Variants in NCOA2 observed in about 807,000 individuals in gnomAD.
The protein encoded by NCOA2 is nuclear receptor coactivator 2, also known as class E basic helix-loop-helix protein 75.
A neutral mutation model predicts 145.1 loss-of-function variants in NCOA2; 21 were observed. The observed-to-expected ratio is 0.14, with a 90% CI of 0.10 to 0.21. NCOA2 has a LOEUF of 0.21. NCOA2 is among the 10% of genes least tolerant of loss of function. The probability of loss-of-function intolerance (pLI) is 1.00; values close to 1 mark genes in which losing one functional copy is unlikely to be tolerated. For missense variants in NCOA2, 1,472 were observed against 1,837.6 expected (o/e 0.80, Z 3.64); for synonymous variants, 619 against 637.5 (o/e 0.97, Z 0.44).
chr8:70,258,354 T>C (rs181077006), intron 2 of NCOA2, among the ~76,000 whole-genome samples: 1 of 152,328 alleles, frequency 6.6e-6, no homozygotes, highest in East Asian at 1.9e-4. Context: ...CTTCAGGATA[T>C]CACCTTAGCT....
intron 7 of NCOA2, among the ~76,000 whole-genome samples, chr8:70,164,548 C>T (rs1186921775): frequency 6.6e-6 from 1 of 152,090 alleles, no homozygotes; most frequent in African/African-American, 2.4e-5. Context: ...TGCTGTAAGG[C>T]GGAGGTCCTC....
rs143911759 is a variant in NCOA2 at position 70,307,885 on chromosome 8, T to C, written c.-76-11085A>G. Among the ~76,000 whole-genome samples, 12 of 152,338 alleles carry C rather than the reference T, an allele frequency of 7.9e-5. No individual in the cohort carries two copies. In the East Asian group the frequency reaches 2.3e-3, roughly 29 times the overall value. On this transcript the variant is annotated intron_variant, in intron 1 of 22. Transcript: ENST00000452400. ...AGTTAGTAAATCTATTTTTGTTTTA[T>C]AGGTCTTAATTAAACTAAAATCTTC... is the stretch of plus-strand genomic sequence containing the variant.
chr8:70,357,769 T>G (rs7818350), intron 1 of NCOA2, among the ~76,000 whole-genome samples: 58,298 of 149,302 alleles, frequency 0.39, 13,897 homozygotes, highest in East Asian at 0.7. Flanking sequence ...GGGGGGAAGA[T>G]GCCGAGCACA....
At chr8:70,152,786 C>A (rs954849783) in intron 11 of NCOA2, among the ~76,000 whole-genome samples, 7 of 152,166 alleles carry the variant, frequency 4.6e-5, no homozygotes, top group African/African-American at 1.2e-4. Flanking sequence ...TACTTCCTGT[C>A]ATTAATAAGT....
At chr8:70,425,471 G>A in the NCOA2 span, among the ~76,000 whole-genome samples, 1 of 151,706 alleles carries the variant, frequency 6.6e-6, no homozygotes, top group South Asian at 2.1e-4. Flanking sequence ...TCCCCTCCCT[G>A]AACTCCTCAC....
At chr8:70,220,782 C>T (rs577785172) in intron 2 of NCOA2, among the ~76,000 whole-genome samples, 7 of 152,250 alleles carry the variant, frequency 4.6e-5, no homozygotes, top group African/African-American at 1.2e-4. Context: ...TTTATGTAAA[C>T]GATAATATGC....
chr8:70,302,007 T>C (rs144311885), intron 1 of NCOA2, among the ~76,000 whole-genome samples: 5 of 152,284 alleles, frequency 3.3e-5, no homozygotes, highest in African/African-American at 1.2e-4. Context: ...ACAAAATTTA[T>C]TTTTCCCTTT....
intron 2 of NCOA2, among the ~76,000 whole-genome samples, chr8:70,274,205 GAAA>G (rs201704083): frequency 1.8e-5 from 2 of 112,166 alleles, no homozygotes; most frequent in African/African-American, 5.9e-5. Flanking sequence ...CTCATGTTTG[GAAA>G]AAAAAAAAAA....
chr8:70,248,650 C>T (rs1207959200), intron 2 of NCOA2, among the ~76,000 whole-genome samples: 1 of 152,002 alleles, frequency 6.6e-6, no homozygotes, highest in Admixed American at 6.6e-5. Flanking sequence ...TACGCATATC[C>T]TCTCATATAC....
chr8:70,282,871 A>G (rs1019298655), intron 2 of NCOA2, among the ~76,000 whole-genome samples: 1 of 152,216 alleles, frequency 6.6e-6, no homozygotes, highest in African/African-American at 2.4e-5. Context: ...ATGACGCTCC[A>G]GAGTGATCTC....
At chr8:70,301,655 CAAAAAAAAAAAAAA>C (rs71275063) in intron 1 of NCOA2, among the ~76,000 whole-genome samples, 4 of 60,142 alleles carry the variant, frequency 6.7e-5, no homozygotes, top group Non-Finnish European at 8.8e-5. Context: ...GACCCTTTCT[CAAAAAAAAAAAAAA>C]AAAAAAAAAA....
chr8:70,117,923 T>C (rs1807330026), intron 22 of NCOA2, among the ~76,000 whole-genome samples: 1 of 152,250 alleles, frequency 6.6e-6, no homozygotes, highest in Non-Finnish European at 1.5e-5. Context: ...AGTGTTCTGC[T>C]TTTATAGTAG....
In NCOA2 at chr8:70,213,526, T is replaced by A. The variant is rs1316810341; in HGVS notation, c.259+377A>T. On this transcript the variant is annotated intron_variant, in intron 4 of 22. Transcript: ENST00000452400. ...CTGACTAGCTGAAATAGGAGGTGCT[T>A]CACTTCCTTACTTCTGGTTTACATC... 4.6e-5 allele frequency among the ~76,000 whole-genome samples: 7 copies of A among 152,296 alleles called. No homozygotes were observed. The East Asian group carries it at 1.3e-3, about 29-fold the overall frequency.
intron 4 of NCOA2, among the ~76,000 whole-genome samples, chr8:70,199,577 G>A (rs1247289098): frequency 1.3e-5 from 2 of 152,104 alleles, no homozygotes; most frequent in Non-Finnish European, 2.9e-5. Context: ...GACAGTCCAG[G>A]GAGCAGTGAG....
the NCOA2 span, among the ~76,000 whole-genome samples, chr8:70,415,854 A>G: frequency 6.6e-6 from 1 of 152,266 alleles, no homozygotes; most frequent in Non-Finnish European, 1.5e-5. Context: ...CAAATGTAAC[A>G]AAGGCTTTAG....
At chr8:70,322,278 C>T (rs1806145792) in intron 1 of NCOA2, among the ~76,000 whole-genome samples, 1 of 152,080 alleles carries the variant, frequency 6.6e-6, no homozygotes, top group Non-Finnish European at 1.5e-5. Flanking sequence ...TACTTTCAAC[C>T]AAGTCATTAT....
intron 2 of NCOA2, among the ~76,000 whole-genome samples, chr8:70,240,604 T>A (rs1822042164): frequency 6.6e-6 from 1 of 152,208 alleles, no homozygotes; most frequent in South Asian, 2.1e-4. Context: ...AAGGCTGTGA[T>A]GTGCCTTATG....
At chr8:70,301,358 A>T (rs1021646438) in intron 1 of NCOA2, among the ~76,000 whole-genome samples, 3 of 152,286 alleles carry the variant, frequency 2.0e-5, no homozygotes, top group Middle Eastern at 6.8e-3. Context: ...GGATGTAAAT[A>T]AAGATATGTC....
chr8:70,365,558 G>A (rs1430677889), intron 1 of NCOA2, among the ~76,000 whole-genome samples: 1 of 152,134 alleles, frequency 6.6e-6, no homozygotes, highest in Non-Finnish European at 1.5e-5. Flanking sequence ...GCTTCAAATA[G>A]ACCATAGGTA....
Sources: allele counts gnomAD v4.1 joint callset (sites outside exome capture counted in the v4.1 genomes callset), GRCh38; gene constraint gnomAD v4.1.1; transcripts MANE v1.5; gene names NCBI Gene and HGNC (gene_info 2026-07-23, HGNC 2026-07-21).